Variants in KIAA1217 observed in about 807,000 individuals in gnomAD.
KIAA1217 encodes the protein sickle tail protein homolog.
KIAA1217 carries 88 observed loss-of-function variants against 163.9 expected under a neutral mutation model. The ratio of observed to expected loss-of-function variants is 0.54; its 90% CI spans 0.45 to 0.64. The LOEUF (loss-of-function observed/expected upper bound fraction) is 0.64, where lower values mean the gene tolerates loss of function less well. Ranked by LOEUF, KIAA1217 falls within the 30% of genes least tolerant of loss-of-function variation. The pLI, the probability that KIAA1217 is intolerant of heterozygous loss-of-function variation, is 0.00. For missense variants in KIAA1217, 2,372 were observed against 2,475.0 expected, an observed-to-expected ratio of 0.96 and a Z score of 0.88; for synonymous variants, 903 against 923.1, an observed-to-expected ratio of 0.98 and a Z score of 0.39.
At chr10:24,430,257 C>T (rs181929670) in intron 3 of KIAA1217, among the ~76,000 whole-genome samples, 4 of 150,088 alleles carry the variant, frequency 2.7e-5, no homozygotes, top group African/African-American at 2.4e-5. Context: ...AGCATTCGGT[C>T]GAGGGCATAT....
At chr10:24,313,846 T>G (rs865825926) in intron 2 of KIAA1217, among the ~76,000 whole-genome samples, 2 of 147,000 alleles carry the variant, frequency 1.4e-5, no homozygotes, top group East Asian at 2.0e-4. Flanking sequence ...TCTGGTTGTT[T>G]TTTTTTTTTT....
chr10:24,183,272 G>A (rs117775085), intron 2 of KIAA1217, among the ~76,000 whole-genome samples: 1,929 of 152,190 alleles, frequency 0.013, 25 homozygotes, highest in Non-Finnish European at 0.018. Flanking sequence ...CCAGTTTCAG[G>A]TACTCTTTTA....
intron 3 of KIAA1217, among the ~76,000 whole-genome samples, chr10:24,412,488 C>G (rs1052215351): frequency 6.6e-6 from 1 of 152,206 alleles, no homozygotes; most frequent in African/African-American, 2.4e-5. Flanking sequence ...GAACTCGGGT[C>G]CAGGTCACAG....
In KIAA1217 at chr10:24,257,756, A is replaced by G. The variant is rs147048929; in HGVS notation, c.354+37847A>G. ...TGGGACTGATGCTTCCTGAAAACAG[A>G]TTCCTGCCTGGAGTGCATGACCCTG... On this transcript the variant is annotated intron_variant, in intron 2 of 20. Transcript: ENST00000376454. Among the ~76,000 whole-genome samples, 6 of 152,280 alleles carry G rather than the reference A, an allele frequency of 3.9e-5. No individual in the cohort carries two copies. The East Asian group carries it at 1.2e-3, about 29-fold the overall frequency.
At chr10:24,483,703 T>C (rs144441665) in intron 6 of KIAA1217, among the ~76,000 whole-genome samples, 13 of 152,134 alleles carry the variant, frequency 8.5e-5, no homozygotes, top group Non-Finnish European at 1.3e-4. Flanking sequence ...TGAAGGTAAA[T>C]TAGCTGGCCG....
At chr10:24,451,892 T>C (rs2061401551) in intron 5 of KIAA1217, among the ~76,000 whole-genome samples, 1 of 152,168 alleles carries the variant, frequency 6.6e-6, no homozygotes, top group African/African-American at 2.4e-5. Flanking sequence ...TGCTTTTCTG[T>C]GTTCTTTGTG....
chr10:24,044,047 G>C (rs1848812433), intron 2 of KIAA1217, among the ~76,000 whole-genome samples: 1 of 152,100 alleles, frequency 6.6e-6, no homozygotes, highest in Non-Finnish European at 1.5e-5. Context: ...GAGTTTCTCT[G>C]AGAGGAAAAG....
chr10:23,999,179 G>A (rs1040324045), intron 1 of KIAA1217, among the ~76,000 whole-genome samples: 1 of 152,172 alleles, frequency 6.6e-6, no homozygotes, highest in Non-Finnish European at 1.5e-5. Flanking sequence ...TGTATATTTG[G>A]TGTTGCTGTT....
chr10:24,507,632 T>G (rs1351112406), intron 9 of KIAA1217, among the ~76,000 whole-genome samples: 2 of 152,202 alleles, frequency 1.3e-5, no homozygotes, highest in Admixed American at 6.5e-5. Flanking sequence ...TGAATTAAAA[T>G]GTAGTGACCA....
At chr10:24,239,853 T>G (rs1247561035) in intron 2 of KIAA1217, among the ~76,000 whole-genome samples, 1 of 152,118 alleles carries the variant, frequency 6.6e-6, no homozygotes, top group African/African-American at 2.4e-5. Flanking sequence ...ACATTGCACT[T>G]TTTTAAAAGT....
At chr10:23,945,261 G>T (rs867427302) in intron 1 of KIAA1217, among the ~76,000 whole-genome samples, 30 of 152,054 alleles carry the variant, frequency 2.0e-4, no homozygotes, top group African/African-American at 7.0e-4. Flanking sequence ...TAAACAAACT[G>T]TGCTATTTTC....
intron 1 of KIAA1217, among the ~76,000 whole-genome samples, chr10:23,863,078 C>G (rs552582403): frequency 4.6e-5 from 7 of 152,132 alleles, no homozygotes; most frequent in South Asian, 2.1e-4. Context: ...TAACCTACTT[C>G]CAGTCATTTT....
chr10:23,944,057 G>A lies in KIAA1217; in HGVS notation c.-320-63168G>A, dbSNP rs540419853. ...AGAAAAGATACCAAAAGCTCTAAATGTAAAAGAAAAAATTGACAAATTGGA... is the reference window on the plus strand; with the variant it reads ...AGAAAAGATACCAAAAGCTCTAAATATAAAAGAAAAAATTGACAAATTGGA... On this transcript the variant is annotated intron_variant, in intron 1 of 18. Transcript: ENST00000376462. 7.2e-5 allele frequency among the ~76,000 whole-genome samples: 11 copies of A among 152,282 alleles called. No individual in the cohort carries two copies. In the South Asian group the frequency reaches 1.7e-3, roughly 23 times the overall value.
In KIAA1217 at chr10:24,287,177, A is replaced by G. The variant is rs183733583; in HGVS notation, c.354+67268A>G. 5.9e-3 allele frequency among the ~76,000 whole-genome samples: 894 copies of G among 152,176 alleles called. 4 individuals carry two copies. Among genetic ancestry groups the G allele is most frequent in the Non-Finnish European group, 7.2e-3 (487 of 68,002 alleles). Reference sequence around the variant, plus strand: ...GCAATTCTCTTGCCTCAGCCTCCCAAGTAACTGGGATTACAGGCATGCGCC... The same window carrying G: ...GCAATTCTCTTGCCTCAGCCTCCCAGGTAACTGGGATTACAGGCATGCGCC... On this transcript the variant is annotated intron_variant, in intron 2 of 20. Transcript: ENST00000376454.
chr10:23,940,965 A>T (rs1677876284), intron 1 of KIAA1217, among the ~76,000 whole-genome samples: 1 of 152,222 alleles, frequency 6.6e-6, no homozygotes, highest in African/African-American at 2.4e-5. Flanking sequence ...TAAATGAAAC[A>T]ATCAAAACCT....
At chr10:24,104,900 C>G (rs2062563188) in intron 2 of KIAA1217, among the ~76,000 whole-genome samples, 1 of 152,184 alleles carries the variant, frequency 6.6e-6, no homozygotes, top group Non-Finnish European at 1.5e-5. Flanking sequence ...GGCAAAGCCA[C>G]ATTTTATTAA....
At chr10:23,831,375 A>G (rs1024296598) in intron 1 of KIAA1217, among the ~76,000 whole-genome samples, 11 of 152,190 alleles carry the variant, frequency 7.2e-5, no homozygotes, top group Non-Finnish European at 1.3e-4. Flanking sequence ...AATATTGGCA[A>G]ATGAACCATA....
At chr10:23,733,562 G>C (rs1384011676) in intron 1 of KIAA1217, among the ~76,000 whole-genome samples, 1 of 151,946 alleles carries the variant, frequency 6.6e-6, no homozygotes, top group Non-Finnish European at 1.5e-5. Flanking sequence ...CAAGGTAAAT[G>C]CTATGTAAAT....
intron 1 of KIAA1217, among the ~76,000 whole-genome samples, chr10:23,720,236 A>C (rs1837799282): frequency 6.6e-6 from 1 of 152,116 alleles, no homozygotes; most frequent in Non-Finnish European, 1.5e-5. Context: ...CCAGGACTGA[A>C]GAATGGGGAG....
Sources: gnomAD v4.1 joint callset for allele counts (sites outside exome capture counted in the v4.1 genomes callset) on GRCh38, gnomAD v4.1.1 for gene constraint, MANE v1.5 for transcripts, NCBI Gene and HGNC (gene_info 2026-07-23, HGNC 2026-07-21) for gene names.